CCDC148: variants seen among roughly 807,000 people sequenced by gnomAD.
The protein encoded by CCDC148 is coiled-coil domain containing 148.
CCDC148 carries 89 observed loss-of-function variants against 85.7 expected under a neutral mutation model. The ratio of observed to expected loss-of-function variants is 1.04; its 90% confidence interval spans 0.87 to 1.24. The LOEUF is 1.24. Ranked by LOEUF, CCDC148 falls within the 50% of genes most tolerant of loss-of-function variation. CCDC148 has a pLI of 0.00. For synonymous variants in CCDC148, 230 were observed against 213.9 expected (o/e 1.08, Z -0.66); for missense variants, 692 against 671.7 (o/e 1.03, Z -0.33).
intron 9 of CCDC148, among the ~76,000 whole-genome samples, chr2:158,287,033 C>T (rs1451972599): frequency 6.6e-6 from 1 of 152,246 alleles, no homozygotes; most frequent in Admixed American, 6.5e-5. Flanking sequence ...AGGTAAAAGG[C>T]ACTTCTTACA....
chr2:158,245,416 C>G (rs1688529447), intron 10 of CCDC148, among the ~76,000 whole-genome samples: 1 of 152,160 alleles, frequency 6.6e-6, no homozygotes, highest in Non-Finnish European at 1.5e-5. Flanking sequence ...AAGGTCACAG[C>G]AGAGGTATCC....
intron 9 of CCDC148, among the ~76,000 whole-genome samples, chr2:158,297,934 C>T (rs78974372): frequency 0.13 from 20,214 of 152,204 alleles, 1,427 homozygotes; most frequent in Middle Eastern, 0.19. Flanking sequence ...TCTCATGCTG[C>T]TAATAAAGAT....
intron 2 of CCDC148, among the ~76,000 whole-genome samples, chr2:158,351,694 C>CCT (rs1683303712): frequency 6.6e-6 from 1 of 152,156 alleles, no homozygotes; most frequent in Non-Finnish European, 1.5e-5. Context: ...AACAAAGCAG[C>CCT]CAGGAAGCTC....
intron 9 of CCDC148, among the ~76,000 whole-genome samples, chr2:158,263,388 C>A (rs1407582154): frequency 6.6e-6 from 1 of 151,894 alleles, no homozygotes; most frequent in Non-Finnish European, 1.5e-5. Context: ...TTTAATAATA[C>A]TTTATTATCT....
rs148382379 is a variant in CCDC148 at position 158,291,016 on chromosome 2, G to A, written c.1110+18417C>T. ...AGTTCAGACTACATCATCTGTCACC[G>A]AGACGATGGCAATAGAAACCTGACT... On this transcript the variant is annotated intron_variant, in intron 9 of 13. Transcript: ENST00000283233. 3.7e-4 allele frequency among the ~76,000 whole-genome samples: 56 copies of A among 151,732 alleles called. No homozygotes were observed. The East Asian group carries it at 8.5e-3, about 23-fold the overall frequency.
intron 10 of CCDC148, among the ~76,000 whole-genome samples, chr2:158,244,260 G>GT (rs954616942): frequency 4.5e-4 from 68 of 152,018 alleles, no homozygotes; most frequent in African/African-American, 1.5e-3. Flanking sequence ...ATCTGTATTA[G>GT]TTTTTTTTAA....
chr2:158,369,682 C>A (rs987209716), intron 1 of CCDC148, among the ~76,000 whole-genome samples: 1 of 152,094 alleles, frequency 6.6e-6, no homozygotes, highest in Admixed American at 6.6e-5. Flanking sequence ...TGCCTGACTG[C>A]CCTGGTCAGA....
chr2:158,180,491 G>A (rs999725094), intron 11 of CCDC148, among the ~76,000 whole-genome samples: 2 of 152,148 alleles, frequency 1.3e-5, no homozygotes, highest in Non-Finnish European at 2.9e-5. Context: ...CTTCACGGAG[G>A]AGGCAGTATC....
chr2:158,437,239 G>A (rs1309206183), intron 1 of CCDC148, among the ~76,000 whole-genome samples: 3 of 152,058 alleles, frequency 2.0e-5, no homozygotes, highest in Non-Finnish European at 4.4e-5. Context: ...TAAAATACCG[G>A]TAAACCGAAT....
intron 1 of CCDC148, among the ~76,000 whole-genome samples, chr2:158,429,672 A>T (rs1251029342): frequency 6.6e-6 from 1 of 152,244 alleles, no homozygotes; most frequent in African/African-American, 2.4e-5. Flanking sequence ...TAAGAATACA[A>T]ACCAGACATC....
chr2:158,179,301 G>A (rs1373200613), intron 11 of CCDC148, among the ~76,000 whole-genome samples: 1 of 150,252 alleles, frequency 6.7e-6, no homozygotes, highest in Non-Finnish European at 1.5e-5. Flanking sequence ...TGGGATTACA[G>A]GTACCCGCCA....
intron 2 of CCDC148, among the ~76,000 whole-genome samples, chr2:158,354,938 A>C (rs547345623): frequency 3.3e-5 from 5 of 152,206 alleles, no homozygotes; most frequent in Non-Finnish European, 5.9e-5. Flanking sequence ...GCAAATCAAT[A>C]AATGTAATCC....
chr2:158,194,547 C>T (rs1181421480), intron 11 of CCDC148, among the ~76,000 whole-genome samples: 1 of 152,094 alleles, frequency 6.6e-6, no homozygotes, highest in Non-Finnish European at 1.5e-5. Context: ...ATGAGGATTC[C>T]TGGGCCTGCC....
chr2:158,384,129 C>G (rs189082781), intron 1 of CCDC148, among the ~76,000 whole-genome samples: 4 of 152,268 alleles, frequency 2.6e-5, no homozygotes, highest in Non-Finnish European at 5.9e-5. Flanking sequence ...TACCTGATTT[C>G]CCTTTGTCCA....
chr2:158,446,615 A>G (rs191122392), intron 1 of CCDC148, among the ~76,000 whole-genome samples: 1 of 152,302 alleles, frequency 6.6e-6, no homozygotes, highest in East Asian at 1.9e-4. Context: ...TTTTTTATTT[A>G]TAATAGCTTT....
intron 2 of CCDC148, among the ~76,000 whole-genome samples, chr2:158,351,419 T>C (rs1357258341): frequency 6.6e-6 from 1 of 151,846 alleles, no homozygotes; most frequent in East Asian, 2.0e-4. Flanking sequence ...ACTGCCTCAC[T>C]TGGGAAGCGC....
At chr2:158,449,821 A>T in intron 1 of CCDC148, among the ~76,000 whole-genome samples, 1 of 152,216 alleles carries the variant, frequency 6.6e-6, no homozygotes, top group East Asian at 1.9e-4. Flanking sequence ...CAGATTTAGA[A>T]GGAAAGCATG....
At chr2:158,374,120 A>G (rs1489153404) in intron 1 of CCDC148, among the ~76,000 whole-genome samples, 1 of 152,054 alleles carries the variant, frequency 6.6e-6, no homozygotes, top group Non-Finnish European at 1.5e-5. Flanking sequence ...ATTATCAAGA[A>G]CAACCTCCAA....
intron 9 of CCDC148, among the ~76,000 whole-genome samples, chr2:158,279,794 C>T (rs569198658): frequency 6.6e-6 from 1 of 151,632 alleles, no homozygotes. Context: ...AGATACTCCT[C>T]GAGAAGACCA....
Sources: gnomAD v4.1 joint callset for allele counts (sites outside exome capture counted in the v4.1 genomes callset) on GRCh38, gnomAD v4.1.1 for gene constraint, MANE v1.5 for transcripts, NCBI Gene and HGNC (gene_info 2026-07-23, HGNC 2026-07-21) for gene names.